PDE8B: variants seen among roughly 807,000 people sequenced by gnomAD.
PDE8B encodes high affinity cAMP-specific and IBMX-insensitive 3',5'-cyclic phosphodiesterase 8B.
PDE8B carries 26 observed loss-of-function variants against 101.3 expected under a neutral mutation model. That is an observed-to-expected ratio of 0.26 (90% confidence interval 0.19 to 0.36). PDE8B has a LOEUF of 0.36. Among genes scored for constraint, PDE8B ranks in the 10% least tolerant of loss-of-function variants. The pLI is 1.00. For synonymous variants in PDE8B, 424 were observed against 429.3 expected (o/e 0.99, Z 0.15); for missense variants, 810 against 1,163.1 (o/e 0.70, Z 4.42).
At chr5:77,259,273 C>T (rs957385946) in intron 1 of PDE8B, among the ~76,000 whole-genome samples, 2 of 152,104 alleles carry the variant, frequency 1.3e-5, no homozygotes, top group South Asian at 4.2e-4. Context: ...CAAGTCTGCT[C>T]CTGTCTTCTA....
intron 11 of PDE8B, among the ~76,000 whole-genome samples, chr5:77,403,053 T>C (rs992885548): frequency 5.3e-5 from 8 of 152,232 alleles, no homozygotes; most frequent in Non-Finnish European, 8.8e-5. Flanking sequence ...ATCTGTGTTA[T>C]GGTTAAATTT....
the PDE8B span, among the ~76,000 whole-genome samples, chr5:77,117,389 A>G: frequency 3.3e-5 from 5 of 152,184 alleles, no homozygotes; most frequent in Admixed American, 1.3e-4. Context: ...CAGGGAACCT[A>G]GGTTTTATGT....
rs146338521 is a variant in PDE8B, at chr5:77,374,410, TG to T, written c.1167+21005del. 3.7e-3 allele frequency among the ~76,000 whole-genome samples: 564 copies of T among 152,266 alleles called. 11 individuals are homozygous for T. In the East Asian group the frequency reaches 0.061, roughly 16 times the overall value. Reference sequence around the variant, plus strand: ...GATTCAGGTCTACCATTTTAACATCTGTTTTTTTTGTTTTATTTTTATTTTC... The same window carrying T: ...GATTCAGGTCTACCATTTTAACATCTTTTTTTTTGTTTTATTTTTATTTTC... On this transcript the variant is annotated intron_variant, in intron 10 of 21. Coordinates refer to ENST00000264917, the MANE Select transcript of PDE8B (RefSeq NM_003719.5).
At chr5:77,383,764 C>A (rs893494558) in intron 10 of PDE8B, among the ~76,000 whole-genome samples, 2 of 152,106 alleles carry the variant, frequency 1.3e-5, no homozygotes, top group Admixed American at 1.3e-4. Context: ...TTGTTTTTGT[C>A]AGGTTTGTCA....
At chr5:77,382,412 A>G (rs6883526) in intron 10 of PDE8B, among the ~76,000 whole-genome samples, 1 of 152,200 alleles carries the variant, frequency 6.6e-6, no homozygotes, top group African/African-American at 2.4e-5. Flanking sequence ...CATCTTAGGC[A>G]TAGCCTTCCG....
intron 10 of PDE8B, 150 bp downstream of exon 10, chr5:77,353,556 C>T: frequency 1.5e-6 from 1 of 686,716 alleles, no homozygotes. Context: ...TTTGGTTCCT[C>T]TGACAAATCT....
Position 77,331,476 on chromosome 5 carries a change from C to A in PDE8B, c.708+17C>A. 1 of 1,599,674 alleles carries A rather than the reference C, an allele frequency of 6.3e-7. No individual in the cohort carries two copies. Among genetic ancestry groups the A allele is most frequent in the Non-Finnish European group, 8.6e-7 (1 of 1,167,224 alleles). ...TTCAACAGGGTATGTACAAGATATCCAGCATCTCTCTCAGTTGCAGGCACC... is the reference window on the plus strand; with the variant it reads ...TTCAACAGGGTATGTACAAGATATCAAGCATCTCTCTCAGTTGCAGGCACC... On this transcript the variant is annotated intron_variant, in intron 5 of 21. Coordinates refer to ENST00000264917, the MANE Select transcript of PDE8B (RefSeq NM_003719.5).
At chr5:77,262,547 G>A (rs1339187537) in intron 1 of PDE8B, among the ~76,000 whole-genome samples, 1 of 152,208 alleles carries the variant, frequency 6.6e-6, no homozygotes, top group Non-Finnish European at 1.5e-5. Context: ...ATACTTTATA[G>A]TTGTACCTTA....
At chr5:77,254,671 A>T (rs1378113039) in intron 1 of PDE8B, among the ~76,000 whole-genome samples, 1 of 152,194 alleles carries the variant, frequency 6.6e-6, no homozygotes, top group African/African-American at 2.4e-5. Flanking sequence ...TTAACTTGAA[A>T]TGAAAAGAAT....
chr5:77,423,627 GTTTAGTT>G (rs771538986), intron 20 of PDE8B, among the ~76,000 whole-genome samples: 2 of 38,792 alleles, frequency 5.2e-5, no homozygotes, highest in African/African-American at 1.5e-4. Context: ...CTTTTGTTTT[GTTTAGTT>G]TTTTTTTTTT....
chr5:77,279,200 A>G (rs557012034), intron 1 of PDE8B, among the ~76,000 whole-genome samples: 5 of 152,372 alleles, frequency 3.3e-5, no homozygotes, highest in African/African-American at 1.2e-4. Context: ...AAACTTGCTT[A>G]GTTCCAAATT....
intron 2 of PDE8B, among the ~76,000 whole-genome samples, chr5:77,318,494 T>C (rs1774327375): frequency 6.6e-6 from 1 of 152,216 alleles, no homozygotes; most frequent in Non-Finnish European, 1.5e-5. Context: ...GACAAGTTTT[T>C]TAACCATCTA....
At chr5:77,163,934 C>T in the PDE8B span, among the ~76,000 whole-genome samples, 1 of 152,218 alleles carries the variant, frequency 6.6e-6, no homozygotes, top group Non-Finnish European at 1.5e-5. Context: ...TTGTTGTCTT[C>T]TTCTTTGTAC....
At chr5:77,119,825 C>G in the PDE8B span, among the ~76,000 whole-genome samples, 1 of 151,858 alleles carries the variant, frequency 6.6e-6, no homozygotes, top group Admixed American at 6.6e-5. Flanking sequence ...GCCTGGGGAA[C>G]ATAGCAAGAC....
chr5:77,312,932 A>G (rs138295389), intron 2 of PDE8B, among the ~76,000 whole-genome samples: 3 of 152,308 alleles, frequency 2.0e-5, no homozygotes, highest in Admixed American at 2.0e-4. Flanking sequence ...CACTCTAATA[A>G]TGGCAGCAAC....
chr5:77,308,756 G>C (rs1471249405), intron 1 of PDE8B, among the ~76,000 whole-genome samples: 2 of 152,116 alleles, frequency 1.3e-5, no homozygotes, highest in Non-Finnish European at 2.9e-5. Context: ...TGGGTCAGAG[G>C]GACTTAAGGA....
At chr5:77,158,007 G>A in the PDE8B span, among the ~76,000 whole-genome samples, 23 of 152,152 alleles carry the variant, frequency 1.5e-4, no homozygotes, top group Non-Finnish European at 2.9e-4. Context: ...CATTTATCTC[G>A]ATCCTTGCAA....
chr5:77,250,476 A>C (rs1757856480), intron 1 of PDE8B, among the ~76,000 whole-genome samples: 1 of 152,210 alleles, frequency 6.6e-6, no homozygotes, highest in South Asian at 2.1e-4. Flanking sequence ...GCCACACTTC[A>C]AGGTAAAAAT....
chr5:77,273,685 G>C (rs1763228954), intron 1 of PDE8B, among the ~76,000 whole-genome samples: 1 of 152,110 alleles, frequency 6.6e-6, no homozygotes, highest in Non-Finnish European at 1.5e-5. Context: ...GTCTGGGTTT[G>C]ACAGGAAGAA....
Sources: gnomAD v4.1 joint callset for allele counts (sites outside exome capture counted in the v4.1 genomes callset) on GRCh38, gnomAD v4.1.1 for gene constraint, MANE v1.5 for transcripts, NCBI Gene and HGNC (gene_info 2026-07-23, HGNC 2026-07-21) for gene names.